CALN1: variants seen among roughly 807,000 people sequenced by gnomAD.
CALN1 encodes calcium-binding protein 8.
CALN1 carries 17 observed loss-of-function variants against 30.6 expected under a neutral mutation model. The observed-to-expected ratio is 0.56, with a 90% CI of 0.38 to 0.83. The LOEUF (loss-of-function observed/expected upper bound fraction) is 0.83. CALN1 is among the 40% of genes least tolerant of loss of function. CALN1 has a pLI of 0.00. For missense variants in CALN1, 291 were observed against 354.9 expected, an observed-to-expected ratio of 0.82 and a Z score of 1.45; for synonymous variants, 156 against 131.4, an observed-to-expected ratio of 1.19 and a Z score of -1.28.
intron 1 of CALN1, among the ~76,000 whole-genome samples, chr7:72,440,918 TTGTATTTTAGAATA>T (rs1808324531): frequency 6.6e-6 from 1 of 152,256 alleles, no homozygotes; most frequent in Admixed American, 6.5e-5. Flanking sequence ...CTGTTCTAAA[TTGTATTTTAGAATA>T]CAAATACAAA....
At chr7:72,484,655 C>T in the CALN1 span, among the ~76,000 whole-genome samples, 1 of 152,168 alleles carries the variant, frequency 6.6e-6, no homozygotes, top group East Asian at 1.9e-4. Context: ...GGTGCTTAGT[C>T]CTTTGAATTC....
intron 4 of CALN1, among the ~76,000 whole-genome samples, chr7:72,069,725 C>G (rs1043686532): frequency 2.0e-5 from 3 of 152,156 alleles, no homozygotes; most frequent in Admixed American, 1.3e-4. Flanking sequence ...GTAACATTTA[C>G]AAGTTCAAAG....
At chr7:72,300,428 A>T (rs78333901) in intron 2 of CALN1, among the ~76,000 whole-genome samples, 5 of 151,084 alleles carry the variant, frequency 3.3e-5, no homozygotes, top group Admixed American at 3.3e-4. Context: ...CAAAAAAGAT[A>T]AAAACAAGAA....
At chr7:72,127,140 G>A (rs1808825990) in intron 3 of CALN1, among the ~76,000 whole-genome samples, 1 of 151,856 alleles carries the variant, frequency 6.6e-6, no homozygotes, top group South Asian at 2.1e-4. Context: ...TTTAAATACA[G>A]AGGTTAGGGT....
intron 5 of CALN1, among the ~76,000 whole-genome samples, chr7:71,964,476 T>C (rs1220311345): frequency 6.6e-6 from 1 of 152,174 alleles, no homozygotes; most frequent in African/African-American, 2.4e-5. Context: ...CTTGCCCTAG[T>C]GTACTGGAAA....
intron 2 of CALN1, among the ~76,000 whole-genome samples, chr7:72,374,346 G>C (rs1804417360): frequency 6.6e-6 from 1 of 151,962 alleles, no homozygotes; most frequent in Non-Finnish European, 1.5e-5. Flanking sequence ...CTGGCCAACA[G>C]GGCAAAACCC....
At chr7:72,220,322 G>A (rs1267303987) in intron 3 of CALN1, among the ~76,000 whole-genome samples, 2 of 151,584 alleles carry the variant, frequency 1.3e-5, no homozygotes, top group African/African-American at 4.8e-5. Flanking sequence ...ATAGTTTGCT[G>A]AGAATGATGG....
intron 3 of CALN1, among the ~76,000 whole-genome samples, chr7:72,226,389 G>C (rs1793681206): frequency 6.6e-6 from 1 of 151,510 alleles, no homozygotes; most frequent in South Asian, 2.1e-4. Context: ...ATGACCCAAT[G>C]CATAGTCTAG....
chr7:71,868,457 C>T (rs137964855), intron 5 of CALN1, among the ~76,000 whole-genome samples: 6,225 of 151,498 alleles, frequency 0.041, 187 homozygotes, highest in Non-Finnish European at 0.066. Flanking sequence ...CTGCAACCTC[C>T]GCCTCCTGGG....
At chr7:72,252,035 G>A (rs1795596178) in intron 3 of CALN1, among the ~76,000 whole-genome samples, 3 of 152,128 alleles carry the variant, frequency 2.0e-5, no homozygotes, top group African/African-American at 7.2e-5. Flanking sequence ...TTTTACTTAT[G>A]TAAATCTTAA....
chr7:71,957,012 T>C (rs1255957181), intron 5 of CALN1, among the ~76,000 whole-genome samples: 2 of 152,096 alleles, frequency 1.3e-5, no homozygotes, highest in Non-Finnish European at 1.5e-5. Context: ...ACTTTATTTT[T>C]TTGATAGTCA....
chr7:72,110,348 C>T lies in CALN1; in HGVS notation c.245-4054G>A, dbSNP rs565857527. On this transcript the variant is annotated intron_variant, in intron 3 of 6. Coordinates refer to ENST00000395275, the MANE Select transcript of CALN1 (RefSeq NM_031468.4). ...GGGCTACTGGATTTAGCAAGTCAGA[C>T]CATAGATGGAGGTCACTCCAGAACT... Among the ~76,000 whole-genome samples the T allele has an allele frequency of 3.3e-5, 5 of 152,302 alleles. No homozygotes were observed. In the South Asian group the frequency reaches 8.3e-4, roughly 25 times the overall value.
intron 5 of CALN1, among the ~76,000 whole-genome samples, chr7:71,866,506 G>A (rs527275579): frequency 1.6e-4 from 25 of 151,918 alleles, no homozygotes; most frequent in South Asian, 1.0e-3. Context: ...ATATGTTATT[G>A]GTAAAAAACA....
intron 1 of CALN1, among the ~76,000 whole-genome samples, chr7:72,423,850 A>G (rs1184641939): frequency 6.6e-6 from 1 of 151,332 alleles, no homozygotes; most frequent in Non-Finnish European, 1.5e-5. Flanking sequence ...AGAAATAAAG[A>G]AAAAAGAAAA....
At chr7:72,152,404 G>A (rs913776695) in intron 3 of CALN1, among the ~76,000 whole-genome samples, 3 of 152,172 alleles carry the variant, frequency 2.0e-5, no homozygotes, top group African/African-American at 7.2e-5. Flanking sequence ...GAGCCCTAGA[G>A]AGCTACGATC....
intron 5 of CALN1, among the ~76,000 whole-genome samples, chr7:71,847,847 GAGA>G (rs66530230): frequency 1.5e-5 from 2 of 134,808 alleles, no homozygotes; most frequent in Non-Finnish European, 1.6e-5. Context: ...GAAGGAGAAG[GAGA>G]AGAAGAAGAG....
At position 71,809,464 on chromosome 7, in the gene CALN1, C is replaced by CACAAAAAAAAA. The variant is rs1787809208; in HGVS notation, c.658+871_658+872insTTTTTTTTTGT. Among the ~76,000 whole-genome samples the CACAAAAAAAAA allele has an allele frequency of 1.8e-5, 2 of 108,402 alleles. 1 individual carries two copies. 71.1% of individuals were successfully genotyped at this position (108,402 alleles called of 152,430 possible). A position where few individuals can be genotyped will look rare whatever the true frequency, so the allele number is the denominator to read the frequency against. On this transcript the variant is annotated intron_variant, in intron 6 of 6. Coordinates refer to ENST00000395275, the MANE Select transcript of CALN1 (RefSeq NM_031468.4). ...ATGTATACTGACTTATTTAAATGTT[C>CACAAAAAAAAA]AAAAAAAAAAAAAAGAAAAGAAAAG... is the stretch of plus-strand genomic sequence containing the variant.
chr7:71,842,671 T>C lies in CALN1; in HGVS notation c.502-32179A>G, dbSNP rs567040891. Reference sequence around the variant, plus strand: ...CTGCAAGCTGTGCTTGTTAGAGCACTTTGATAACATGCTAATACACTTAGT... The same window carrying C: ...CTGCAAGCTGTGCTTGTTAGAGCACCTTGATAACATGCTAATACACTTAGT... On this transcript the variant is annotated intron_variant, in intron 5 of 6. Coordinates refer to ENST00000395275, the MANE Select transcript of CALN1 (RefSeq NM_031468.4). Among the ~76,000 whole-genome samples, 4 of 152,330 alleles carry C rather than the reference T, an allele frequency of 2.6e-5. No individual in the cohort carries two copies. The East Asian group carries it at 7.7e-4, about 29-fold the overall frequency.
At chr7:72,340,278 G>A (rs1802321246) in intron 2 of CALN1, among the ~76,000 whole-genome samples, 1 of 152,060 alleles carries the variant, frequency 6.6e-6, no homozygotes, top group Non-Finnish European at 1.5e-5. Flanking sequence ...TCCCTATGTT[G>A]CCCAGGCTGG....
Sources: allele counts gnomAD v4.1 joint callset (sites outside exome capture counted in the v4.1 genomes callset), GRCh38; gene constraint gnomAD v4.1.1; transcripts MANE v1.5; gene names NCBI Gene and HGNC (gene_info 2026-07-23, HGNC 2026-07-21).